Variants in UBE2E2 observed in about 807,000 individuals in gnomAD.
UBE2E2 encodes the protein ubiquitin-conjugating enzyme E2 E2.
A neutral mutation model predicts 24.7 loss-of-function variants in UBE2E2; 6 were observed. The ratio of observed to expected loss-of-function variants is 0.24; its 90% CI spans 0.13 to 0.48. The LOEUF (loss-of-function observed/expected upper bound fraction) is 0.48. Among genes scored for constraint, UBE2E2 ranks in the 20% least tolerant of loss-of-function variants. UBE2E2 has a pLI of 0.99. For synonymous variants in UBE2E2, 104 were observed against 83.6 expected, an observed-to-expected ratio of 1.24 and a Z score of -1.33; for missense variants, 169 against 245.0, an observed-to-expected ratio of 0.69 and a Z score of 2.07.
intron 3 of UBE2E2, among the ~76,000 whole-genome samples, chr3:23,236,440 T>G (rs1697115327): frequency 2.0e-5 from 3 of 151,426 alleles, no homozygotes; most frequent in Admixed American, 2.0e-4. Context: ...TGTTGTCCAG[T>G]CAGGCTTTGG....
intron 3 of UBE2E2, among the ~76,000 whole-genome samples, chr3:23,480,649 A>G (rs1699239806): frequency 1.3e-5 from 2 of 151,968 alleles, no homozygotes; most frequent in Admixed American, 6.5e-5. Context: ...AAAAAAAAGA[A>G]GAGGATTCAG....
chr3:23,404,741 G>A (rs1180993874), intron 3 of UBE2E2, among the ~76,000 whole-genome samples: 3 of 151,932 alleles, frequency 2.0e-5, no homozygotes, highest in Admixed American at 6.6e-5. Context: ...TAAAATAATC[G>A]CTAACTGTAG....
intron 3 of UBE2E2, among the ~76,000 whole-genome samples, chr3:23,462,115 C>A (rs1698815678): frequency 6.6e-6 from 1 of 152,036 alleles, no homozygotes; most frequent in Non-Finnish European, 1.5e-5. Context: ...AATATATTTT[C>A]AAAAATGCCT....
intron 3 of UBE2E2, among the ~76,000 whole-genome samples, chr3:23,282,469 G>A (rs575361490): frequency 1.4e-4 from 22 of 152,234 alleles, no homozygotes; most frequent in Admixed American, 6.5e-4. Flanking sequence ...CAAAATTCTT[G>A]TGTCGGTAGC....
chr3:23,242,843 T>C (rs1697292477), intron 3 of UBE2E2, among the ~76,000 whole-genome samples: 1 of 152,158 alleles, frequency 6.6e-6, no homozygotes, highest in Admixed American at 6.5e-5. Context: ...CCCTGCCATT[T>C]GGGAGGCTGA....
At chr3:23,434,645 A>T (rs1698143521) in intron 3 of UBE2E2, among the ~76,000 whole-genome samples, 1 of 152,188 alleles carries the variant, frequency 6.6e-6, no homozygotes, top group Non-Finnish European at 1.5e-5. Context: ...GCAAACTTGT[A>T]TAAATTAGGT....
At chr3:23,344,809 C>T (rs1695502170) in intron 3 of UBE2E2, among the ~76,000 whole-genome samples, 1 of 138,444 alleles carries the variant, frequency 7.2e-6, no homozygotes. Context: ...CAGAGCGAGA[C>T]CCAGTCTGTA....
At chr3:23,331,126 G>T (rs1013423406) in intron 3 of UBE2E2, among the ~76,000 whole-genome samples, 1 of 152,136 alleles carries the variant, frequency 6.6e-6, no homozygotes, top group African/African-American at 2.4e-5. Context: ...TTCTCATGAA[G>T]TTCTTTTGAA....
chr3:23,368,912 A>G (rs1455103271), intron 3 of UBE2E2, among the ~76,000 whole-genome samples: 3 of 152,218 alleles, frequency 2.0e-5, no homozygotes, highest in African/African-American at 7.2e-5. Context: ...AGTGATTGCC[A>G]TTGGAATTGC....
chr3:23,495,081 A>G (rs924406314), intron 3 of UBE2E2, among the ~76,000 whole-genome samples: 2 of 152,178 alleles, frequency 1.3e-5, no homozygotes, highest in Non-Finnish European at 2.9e-5. Context: ...TTAAAATACC[A>G]GTCTGTTTTC....
rs1005831653 is a variant in UBE2E2 at position 23,331,803 on chromosome 3, G to A, written c.227+114491G>A. ...AAAGACTTTGGTTTATGTGAGATGAGAAATCACTAAGGGTTTTGAACAGAG... is the reference window on the plus strand; with the variant it reads ...AAAGACTTTGGTTTATGTGAGATGAAAAATCACTAAGGGTTTTGAACAGAG... On this transcript the variant is annotated intron_variant, in intron 3 of 5. Coordinates refer to ENST00000396703, the MANE Select transcript of UBE2E2 (RefSeq NM_152653.4). 9.2e-5 allele frequency among the ~76,000 whole-genome samples: 14 copies of A among 152,244 alleles called. No homozygotes were observed. In the East Asian group the frequency reaches 2.7e-3, roughly 29 times the overall value.
intron 4 of UBE2E2, among the ~76,000 whole-genome samples, chr3:23,526,759 T>G (rs376238692): frequency 6.6e-6 from 1 of 152,340 alleles, no homozygotes; most frequent in African/African-American, 2.4e-5. Context: ...TGTGTCTGTT[T>G]AATTCAGTGT....
intron 3 of UBE2E2, among the ~76,000 whole-genome samples, chr3:23,439,352 G>T (rs1698247568): frequency 6.6e-6 from 1 of 152,166 alleles, no homozygotes; most frequent in Non-Finnish European, 1.5e-5. Flanking sequence ...AGGAATAAAG[G>T]GTGTGTGTTA....
intron 5 of UBE2E2, among the ~76,000 whole-genome samples, chr3:23,566,011 T>C (rs1696065327): frequency 6.6e-6 from 1 of 152,186 alleles, no homozygotes; most frequent in Admixed American, 6.5e-5. Context: ...CCACTACATA[T>C]TAATGCGTTG....
chr3:23,273,169 C>G (rs1483396440), intron 3 of UBE2E2, among the ~76,000 whole-genome samples: 3 of 152,174 alleles, frequency 2.0e-5, no homozygotes, highest in Admixed American at 6.5e-5. Flanking sequence ...ACTTCTAAAA[C>G]AATTTTATAT....
intron 5 of UBE2E2, among the ~76,000 whole-genome samples, chr3:23,561,108 A>T (rs1695917493): frequency 6.6e-6 from 1 of 152,070 alleles, no homozygotes; most frequent in Admixed American, 6.6e-5. Context: ...TTTTGTTGCC[A>T]TTGCTTTTGG....
intron 3 of UBE2E2, among the ~76,000 whole-genome samples, chr3:23,489,944 G>C (rs1699461656): frequency 6.6e-6 from 1 of 152,052 alleles, no homozygotes; most frequent in Admixed American, 6.5e-5. Flanking sequence ...TGCATGCTGA[G>C]AATCACTGCT....
At chr3:23,571,019 T>C (rs80118544) in intron 5 of UBE2E2, among the ~76,000 whole-genome samples, 5,308 of 152,172 alleles carry the variant, frequency 0.035, 136 homozygotes, top group Non-Finnish European at 0.053. Context: ...AAATGGATAA[T>C]TGGGACAAGA....
At chr3:23,399,576 A>T (rs896821803) in intron 3 of UBE2E2, among the ~76,000 whole-genome samples, 11 of 152,202 alleles carry the variant, frequency 7.2e-5, no homozygotes, top group African/African-American at 2.7e-4. Context: ...CTAAATTAGT[A>T]TATGAACTGT....
Sources: allele counts gnomAD v4.1 joint callset (sites outside exome capture counted in the v4.1 genomes callset), GRCh38; gene constraint gnomAD v4.1.1; transcripts MANE v1.5; gene names NCBI Gene and HGNC (gene_info 2026-07-23, HGNC 2026-07-21).